Variants in C1QTNF6 observed in about 807,000 individuals in gnomAD.
C1QTNF6 encodes the protein complement C1q tumor necrosis factor-related protein 6.
Under a neutral mutation model 20.7 loss-of-function variants are expected in C1QTNF6, and 17 were observed. The observed-to-expected ratio is 0.82, with a 90% CI of 0.56 to 1.23. The LOEUF (loss-of-function observed/expected upper bound fraction) is 1.23, where lower values mean the gene tolerates loss of function less well. C1QTNF6 is among the 50% of genes most tolerant of loss of function. C1QTNF6 has a pLI of 0.00. For missense variants in C1QTNF6, 329 were observed against 389.7 expected, an observed-to-expected ratio of 0.84 and a Z score of 1.31; for synonymous variants, 130 against 156.3, an observed-to-expected ratio of 0.83 and a Z score of 1.25.
At position 37,184,549 on chromosome 22, in the gene C1QTNF6, T is replaced by TGGCCCTCACCTGGAC. The variant is rs1337554073; in HGVS notation, c.289+654_289+668dup. On this transcript the variant is annotated intron_variant, in intron 2 of 2. Coordinates refer to ENST00000337843, the MANE Select transcript of C1QTNF6 (RefSeq NM_031910.4). The surrounding 1 kb of genome is among the most constrained non-coding windows in gnomAD (Gnocchi z 4.0). ...CTCACCTGGACAGCCCTCACCTGGATGGCCCTCACCTGGACAGGCCCCACA... is the reference window on the plus strand; with the variant it reads ...CTCACCTGGACAGCCCTCACCTGGATGGCCCTCACCTGGACGGCCCTCACCTGGACAGGCCCCACA... 1 of 646,970 alleles carries TGGCCCTCACCTGGAC rather than the reference T, an allele frequency of 1.5e-6. No homozygotes were observed. Among genetic ancestry groups the TGGCCCTCACCTGGAC allele is most frequent in the Non-Finnish European group, 2.8e-6 (1 of 354,720 alleles). 40.1% of individuals were successfully genotyped at this position (646,970 alleles called of 1,614,324 possible). A position where few individuals can be genotyped will look rare whatever the true frequency, so the allele number is the denominator to read the frequency against.
At chr22:37,193,629 A>G (rs1225866669) in intron 2 of C1QTNF6, among the ~76,000 whole-genome samples, 1 of 152,222 alleles carries the variant, frequency 6.6e-6, no homozygotes, top group Non-Finnish European at 1.5e-5. Flanking sequence ...CAAACAGCCA[A>G]TATTTCTGGC....
rs761604907 is a variant in C1QTNF6, at chr22:37,182,626, G to A, written c.399C>T (p.Gly133=). The A allele has an allele frequency of 6.2e-7, 1 of 1,613,502 alleles. No individual in the cohort carries two copies. Among genetic ancestry groups the A allele is most frequent in the Admixed American group, 1.7e-5 (1 of 60,004 alleles). ...QGSKGDKGEM[G]SPGAPCQKRF... ...GCTTCTGGCACGGGGCGCCGGGGCT[G>A]CCCATCTCCCCCTTGTCACCCTTGC... Residue 133 remains glycine, a synonymous_variant, in exon 3 of 3, where the codon GGC becomes GGT. Coordinates refer to ENST00000337843, the MANE Select transcript of C1QTNF6 (RefSeq NM_031910.4).
chr22:37,190,051 G>T (rs1296915296), upstream of C1QTNF6, among the ~76,000 whole-genome samples: 1 of 152,212 alleles, frequency 6.6e-6, no homozygotes, highest in African/African-American at 2.4e-5. Context: ...ACGAGAAGCA[G>T]TCAAGAGATG....
chr22:37,187,678 T>C (rs1184226652), intron 1 of C1QTNF6, among the ~76,000 whole-genome samples: 1 of 129,326 alleles, frequency 7.7e-6, no homozygotes, highest in Non-Finnish European at 1.7e-5. Flanking sequence ...CATTTCTGTT[T>C]CCTATTGGCC....
At position 37,194,653 on chromosome 22, in the gene C1QTNF6, C is replaced by T. The variant is rs143835716; in HGVS notation, n.224+728G>A. Among the ~76,000 whole-genome samples the T allele has an allele frequency of 2.9e-3, 435 of 152,328 alleles. 2 individuals carry two copies. The highest frequency in any genetic ancestry group is 9.9e-3 in the African/African-American group (411 of 41,566). Reference sequence around the variant, plus strand: ...ATTTTGTAAGATGCTGTCCAACAGGCTGCATGGGGAAACCAAATTAACATT... The same window carrying T: ...ATTTTGTAAGATGCTGTCCAACAGGTTGCATGGGGAAACCAAATTAACATT... On this transcript the variant is annotated intron_variant and non_coding_transcript_variant, in intron 2 of 4. Transcript: ENST00000467564.
chr22:37,198,714 C>G (rs1233851612), upstream of C1QTNF6, among the ~76,000 whole-genome samples: 1 of 152,190 alleles, frequency 6.6e-6, no homozygotes, highest in Non-Finnish European at 1.5e-5. Flanking sequence ...CCCGTCCCAC[C>G]AGCCCGTCCC....
chr22:37,183,143 T>G (rs907773397), intron 2 of C1QTNF6, among the ~76,000 whole-genome samples: 14 of 152,156 alleles, frequency 9.2e-5, no homozygotes, highest in African/African-American at 2.7e-4. Context: ...GGAACATACT[T>G]TGGGTTTCTG....
chr22:37,184,740 G>A lies in C1QTNF6; in HGVS notation c.289+478C>T, dbSNP rs921312247. On this transcript the variant is annotated intron_variant, in intron 2 of 2. Coordinates refer to ENST00000337843, the MANE Select transcript of C1QTNF6 (RefSeq NM_031910.4). This position sits in a 1 kb window ranked among gnomAD's most constrained non-coding sequence, Gnocchi z 4.0. ...TCCCTACAGTAGCCGGGTGGTGACA[G>A]CACCCCATGTGATCTGAGCCTGGTG... Among the ~76,000 whole-genome samples, 1 of 152,122 alleles carries A rather than the reference G, an allele frequency of 6.6e-6. No homozygotes were observed. Among genetic ancestry groups the A allele is most frequent in the Admixed American group, 6.5e-5 (1 of 15,282 alleles).
rs1291209645 is a variant in C1QTNF6, at chr22:37,184,682, C to G, written c.289+536G>C. On this transcript the variant is annotated intron_variant, in intron 2 of 2. Transcript: ENST00000337843. The surrounding 1 kb of genome is among the most constrained non-coding windows in gnomAD (Gnocchi z 4.0). Reference sequence around the variant, plus strand: ...CAAGTCCCTGTCCCACCCAAACCTGCCCCTGTTCCCACTCCACTCAGCGGA... The same window carrying G: ...CAAGTCCCTGTCCCACCCAAACCTGGCCCTGTTCCCACTCCACTCAGCGGA... Among the ~76,000 whole-genome samples the G allele has an allele frequency of 1.3e-5, 2 of 152,174 alleles. No homozygotes were observed. The highest frequency in any genetic ancestry group is 2.4e-5 in the African/African-American group (1 of 41,438).
chr22:37,187,523 T>C (rs1924459353), intron 1 of C1QTNF6, among the ~76,000 whole-genome samples: 1 of 142,306 alleles, frequency 7.0e-6, no homozygotes, highest in Non-Finnish European at 1.5e-5. Context: ...CCCTCCCAGG[T>C]AATTTGGAAG....
rs557890537 is a variant in C1QTNF6 at position 37,186,410 on chromosome 22, A to T, written c.52-955T>A. Among the ~76,000 whole-genome samples the T allele has an allele frequency of 3.9e-5, 6 of 152,300 alleles. No homozygotes were observed. The East Asian group carries it at 5.8e-4, about 15-fold the overall frequency. On this transcript the variant is annotated intron_variant, in intron 1 of 2. Coordinates refer to ENST00000337843, the MANE Select transcript of C1QTNF6 (RefSeq NM_031910.4). ...GCCCTGCAGGGAGGGTTCTGTAGAGAGAGTTAGTTCATTGGAAGATGGTTG... is the reference window on the plus strand; with the variant it reads ...GCCCTGCAGGGAGGGTTCTGTAGAGTGAGTTAGTTCATTGGAAGATGGTTG...
At chr22:37,193,914 G>A (rs1924970272) in intron 2 of C1QTNF6, among the ~76,000 whole-genome samples, 1 of 152,254 alleles carries the variant, frequency 6.6e-6, no homozygotes, top group Non-Finnish European at 1.5e-5. Context: ...GGTCCCCAGT[G>A]TGAAGAGACA....
chr22:37,194,914 G>T (rs762410729), intron 2 of C1QTNF6, among the ~76,000 whole-genome samples: 3 of 152,226 alleles, frequency 2.0e-5, no homozygotes, highest in Non-Finnish European at 4.4e-5. Flanking sequence ...TGCCTGCCGG[G>T]GGGTGGAGAA....
At position 37,182,559 on chromosome 22, in the gene C1QTNF6, T is replaced by C. The variant is rs763839877; in HGVS notation, c.466A>G (p.Ser156Gly). The C allele has an allele frequency of 1.2e-6, 2 of 1,614,178 alleles. No homozygotes were observed. Among genetic ancestry groups the C allele is most frequent in the Middle Eastern group, 1.6e-4 (1 of 6,062 alleles). The change falls in exon 3 of 3, where the codon AGC becomes GGC. Residue 156 changes from serine to glycine, a missense_variant. Physicochemically the swap from Ser to Gly is moderately conservative, Grantham distance 56. Coordinates refer to ENST00000337843, the MANE Select transcript of C1QTNF6 (RefSeq NM_031910.4). ...FSVGRKTALH[S>G]GEDFQTLLFE... ...AGCAGCGTCTGGAAGTCCTCGCCGC[T>C]GTGCAGGGCCGTCTTGCGGCCCACT...
chr22:37,192,359 TCCAGGTGTGGAG>T (rs1469673584), upstream of C1QTNF6, among the ~76,000 whole-genome samples: 1 of 152,260 alleles, frequency 6.6e-6, no homozygotes, highest in African/African-American at 2.4e-5. Flanking sequence ...TTACTTATAT[TCCAGGTGTGGAG>T]CCTAGGACAG....
chr22:37,183,168 C>T (rs1398873882), intron 2 of C1QTNF6, among the ~76,000 whole-genome samples: 1 of 152,154 alleles, frequency 6.6e-6, no homozygotes, highest in African/African-American at 2.4e-5. Flanking sequence ...AGGGAAGAAA[C>T]CAAGAAAAAT....
At chr22:37,188,283 A>AGGAGGGAGAGAGGAGGGGTT, upstream of C1QTNF6, 5 of 1,153,062 alleles carry the variant, frequency 4.3e-6, no homozygotes, top group Non-Finnish European at 4.7e-6. Context: ...GGCCCAGCAG[A>AGGAGGGAGAGAGGAGGGGTT]GGAGGGAGAG....
chr22:37,190,938 A>G (rs1224142859), upstream of C1QTNF6: 3 of 152,240 alleles, frequency 2.0e-5, no homozygotes, highest in African/African-American at 4.8e-5. Flanking sequence ...TCTGAAAAAC[A>G]AAACAGAAAG....
At position 37,182,609 on chromosome 22, in the gene C1QTNF6, C is replaced by T. The variant is rs781322736; in HGVS notation, c.416G>A (p.Cys139Tyr). The T allele has an allele frequency of 2.7e-5, 43 of 1,613,682 alleles. No homozygotes were observed. The Admixed American group carries it at 7.2e-4, about 27-fold the overall frequency. ...KGEMGSPGAP[C>Y]QKRFFAFSVG... ...TGAGAAGGCGAAGAAGCGCTTCTGG[C>T]ACGGGGCGCCGGGGCTGCCCATCTC... is the stretch of plus-strand genomic sequence containing the variant. Residue 139 changes from cysteine to tyrosine, a missense_variant, in exon 3 of 3, where the codon TGC becomes TAC. Coordinates refer to ENST00000337843, the MANE Select transcript of C1QTNF6 (RefSeq NM_031910.4).
Sources: allele counts gnomAD v4.1 joint callset (sites outside exome capture counted in the v4.1 genomes callset), GRCh38; gene constraint gnomAD v4.1.1; non-coding constraint Gnocchi (gnomAD v3.1); transcripts MANE v1.5; gene names NCBI Gene and HGNC (gene_info 2026-07-23, HGNC 2026-07-21).